Variants in SASH1 observed in about 807,000 individuals in gnomAD.
SASH1 encodes SAM and SH3 domain-containing protein 1.
Under a neutral mutation model 125.2 loss-of-function variants are expected in SASH1, and 44 were observed. The observed-to-expected ratio is 0.35, with a 90% CI of 0.28 to 0.45. SASH1 has a LOEUF of 0.45. Among genes scored for constraint, SASH1 ranks in the 20% least tolerant of loss-of-function variants. The pLI is 1.00. For missense variants in SASH1, 1,426 were observed against 1,614.5 expected (o/e 0.88, Z 2.00); for synonymous variants, 639 against 649.1 (o/e 0.98, Z 0.24).
chr6:148,478,312 G>C (rs1473438917), intron 7 of SASH1, among the ~76,000 whole-genome samples: 1 of 152,040 alleles, frequency 6.6e-6, no homozygotes, highest in Non-Finnish European at 1.5e-5. Flanking sequence ...AAGAAAATGT[G>C]GTACATATAC....
intron 7 of SASH1, among the ~76,000 whole-genome samples, chr6:148,481,377 A>C (rs576308056): frequency 1.3e-5 from 2 of 152,246 alleles, no homozygotes; most frequent in Admixed American, 1.3e-4. Context: ...CCAGTGGAGT[A>C]GCACTTTTCG....
chr6:148,492,833 T>C (rs1193445538), intron 8 of SASH1, among the ~76,000 whole-genome samples: 1 of 83,120 alleles, frequency 1.2e-5, no homozygotes, highest in Non-Finnish European at 2.7e-5. Context: ...AAAATATAAA[T>C]AAATAAATAA....
At chr6:148,227,230 GTC>G in the SASH1 span, among the ~76,000 whole-genome samples, 1 of 152,098 alleles carries the variant, frequency 6.6e-6, no homozygotes, top group South Asian at 2.1e-4. Context: ...AGTTGTTTTT[GTC>G]TCTCTCCTCC....
chr6:148,461,481 C>T (rs540710121), intron 4 of SASH1, among the ~76,000 whole-genome samples: 183 of 152,302 alleles, frequency 1.2e-3, no homozygotes, highest in Non-Finnish European at 2.0e-3. Context: ...GCTTTTCTGT[C>T]TCAGCCAGTG....
intron 1 of SASH1, among the ~76,000 whole-genome samples, chr6:148,334,389 C>T (rs1454404129): frequency 7.6e-5 from 10 of 131,876 alleles, no homozygotes; most frequent in Non-Finnish European, 1.4e-4. Flanking sequence ...GATTGCGCCA[C>T]TGCACTCCCG....
In SASH1 at chr6:148,312,598, A is replaced by G. The variant is rs561110116; in HGVS notation, n.74+40221A>G. 2.6e-5 allele frequency among the ~76,000 whole-genome samples: 4 copies of G among 152,356 alleles called. No homozygotes were observed. The South Asian group carries it at 8.3e-4, about 32-fold the overall frequency. ...AAAGCTGAGTGAATGACCATAGACA[A>G]GCTTCTTAACCTTTAGAAATACCCA... On this transcript the variant is annotated intron_variant and non_coding_transcript_variant, in intron 1 of 3. Coordinates refer to the SASH1 transcript ENST00000367469.
At chr6:148,440,317 G>C (rs747338537) in intron 3 of SASH1, 41 bp from the exon 4 acceptor site, 1 of 1,609,816 alleles carries the variant, frequency 6.2e-7, no homozygotes, top group Non-Finnish European at 8.5e-7. Flanking sequence ...GATGAAGCCT[G>C]CTGCTCTGAC....
chr6:148,350,347 G>A (rs1055775729), intron 1 of SASH1, among the ~76,000 whole-genome samples: 1 of 152,132 alleles, frequency 6.6e-6, no homozygotes, highest in Admixed American at 6.5e-5. Flanking sequence ...ACAAATATTT[G>A]TATACCTGTC....
the SASH1 span, among the ~76,000 whole-genome samples, chr6:148,223,530 T>G: frequency 0.12 from 17,996 of 152,204 alleles, 1,094 homozygotes; most frequent in Middle Eastern, 0.17. Context: ...ATTGACTGTT[T>G]GTCTTTAAAC....
At chr6:148,352,196 AT>A (rs1258743410) in intron 1 of SASH1, among the ~76,000 whole-genome samples, 2 of 152,204 alleles carry the variant, frequency 1.3e-5, no homozygotes, top group Non-Finnish European at 2.9e-5. Context: ...CTTACCGGAC[AT>A]GTGACCTGGG....
chr6:148,527,422 CCAA>C, intron 11 of SASH1, 28 bp from the exon 12 acceptor site: 2 of 1,537,200 alleles, frequency 1.3e-6, no homozygotes, highest in Non-Finnish European at 1.7e-6. Flanking sequence ...TTTTCTGCGA[CCAA>C]CAATACTTGC....
At chr6:148,308,268 A>G (rs910332753) in intron 1 of SASH1, among the ~76,000 whole-genome samples, 1 of 142,512 alleles carries the variant, frequency 7.0e-6, no homozygotes, top group Non-Finnish European at 1.5e-5. Context: ...AAAAGATATT[A>G]AATCCGCCCC....
At chr6:148,393,888 CTTT>C (rs67180276) in intron 2 of SASH1, 2,042 of 108,704 alleles carry the variant, frequency 0.019, 13 homozygotes, top group Middle Eastern at 0.041. Flanking sequence ...CTCTCTCTCT[CTTT>C]TTTTTTTTTT....
the SASH1 span, among the ~76,000 whole-genome samples, chr6:148,265,224 T>G: frequency 6.6e-6 from 1 of 152,006 alleles, no homozygotes; most frequent in Non-Finnish European, 1.5e-5. Flanking sequence ...ACAGGAGGAC[T>G]GCTTGAGCCC....
chr6:148,485,520 T>A (rs1277922353), intron 7 of SASH1, among the ~76,000 whole-genome samples: 2 of 152,190 alleles, frequency 1.3e-5, no homozygotes, highest in African/African-American at 4.8e-5. Flanking sequence ...TTTTGCTGCA[T>A]TATCATAGTT....
chr6:148,519,034 C>T lies in SASH1; in HGVS notation c.863-513C>T, dbSNP rs937148745. Among the ~76,000 whole-genome samples, 1 of 152,188 alleles carries T rather than the reference C, an allele frequency of 6.6e-6. No individual in the cohort carries two copies. On this transcript the variant is annotated intron_variant, in intron 9 of 19. Transcript: ENST00000367467. This position sits in a 1 kb window ranked among gnomAD's most constrained non-coding sequence, Gnocchi z 4.8. ...AGATACAACGCTTTATAGTGTTTCT[C>T]CCCACCAAAACTTCCTTGGAGATTT...
At chr6:148,293,030 T>C (rs1198736422) in intron 1 of SASH1, among the ~76,000 whole-genome samples, 6 of 151,220 alleles carry the variant, frequency 4.0e-5, no homozygotes, top group Non-Finnish European at 7.4e-5. Flanking sequence ...TACTCCAGCC[T>C]GGGCAACAGA....
chr6:148,209,728 C>T, the SASH1 span, among the ~76,000 whole-genome samples: 11 of 152,156 alleles, frequency 7.2e-5, no homozygotes, highest in African/African-American at 2.7e-4. Context: ...TGGTGAAGGG[C>T]TCCTCAACCC....
At chr6:148,349,324 G>A (rs564123795) in intron 1 of SASH1, among the ~76,000 whole-genome samples, 18 of 125,692 alleles carry the variant, frequency 1.4e-4, no homozygotes, top group African/African-American at 5.0e-4. Context: ...TTACAGTGGC[G>A]CGATCTCGGC....
Sources: gnomAD v4.1 joint callset for allele counts (sites outside exome capture counted in the v4.1 genomes callset) on GRCh38, gnomAD v4.1.1 for gene constraint, Gnocchi (gnomAD v3.1) non-coding constraint, MANE v1.5 for transcripts, NCBI Gene and HGNC (gene_info 2026-07-23, HGNC 2026-07-21) for gene names.